Variants in SCARA3 observed in about 807,000 individuals in gnomAD.
SCARA3 encodes cellular stress response gene protein.
Under a neutral mutation model 47.0 loss-of-function variants are expected in SCARA3, and 39 were observed. The ratio of observed to expected loss-of-function variants is 0.83; its 90% CI spans 0.64 to 1.08. The LOEUF (loss-of-function observed/expected upper bound fraction) is 1.08. Ranked by LOEUF, SCARA3 falls within the 50% of genes least tolerant of loss-of-function variation. The pLI is 0.00. For missense variants in SCARA3, 724 were observed against 792.3 expected, an observed-to-expected ratio of 0.91 and a Z score of 1.04; for synonymous variants, 356 against 334.1, an observed-to-expected ratio of 1.07 and a Z score of -0.71.
chr8:27,711,664 G>A, the SCARA3 span, among the ~76,000 whole-genome samples: 1 of 152,052 alleles, frequency 6.6e-6, no homozygotes, highest in African/African-American at 2.4e-5. Flanking sequence ...GATGGACAGA[G>A]CTAGGAAATA....
At chr8:27,692,037 A>G in the SCARA3 span, among the ~76,000 whole-genome samples, 1 of 152,272 alleles carries the variant, frequency 6.6e-6, no homozygotes, top group South Asian at 2.1e-4. Flanking sequence ...AAACCAGTTC[A>G]GCCATGATGG....
chr8:27,662,713 G>A (rs1801936997), intron 5 of SCARA3, among the ~76,000 whole-genome samples: 1 of 152,236 alleles, frequency 6.6e-6, no homozygotes, highest in Non-Finnish European at 1.5e-5. Context: ...CTCAGTGTTG[G>A]TTTCTGCCAC....
the SCARA3 span, among the ~76,000 whole-genome samples, chr8:27,688,617 G>C: frequency 1.3e-5 from 2 of 152,176 alleles, no homozygotes; most frequent in Non-Finnish European, 2.9e-5. Context: ...GATTGCTTGA[G>C]CCTGGGAGGT....
the SCARA3 span, among the ~76,000 whole-genome samples, chr8:27,718,150 T>C: frequency 1.6e-4 from 25 of 152,336 alleles, no homozygotes; most frequent in African/African-American, 5.8e-4. Flanking sequence ...TTCTGAGCAA[T>C]CCTTCAAATC....
At chr8:27,686,954 C>G in the SCARA3 span, among the ~76,000 whole-genome samples, 6 of 152,070 alleles carry the variant, frequency 3.9e-5, no homozygotes, top group Non-Finnish European at 7.4e-5. Flanking sequence ...TCCCCACCCA[C>G]CCCTCGACAG....
downstream of SCARA3, among the ~76,000 whole-genome samples, chr8:27,673,416 G>A (rs369550597): frequency 6.6e-6 from 1 of 152,282 alleles, no homozygotes; most frequent in Non-Finnish European, 1.5e-5. Context: ...CAAGGGGCCT[G>A]GCTTGGCAGG....
At chr8:27,682,226 GA>G in the SCARA3 span, among the ~76,000 whole-genome samples, 3 of 152,060 alleles carry the variant, frequency 2.0e-5, no homozygotes, top group East Asian at 1.9e-4. Context: ...ATCCATATGG[GA>G]AAAAAATATA....
At position 27,672,382 on chromosome 8, in the gene SCARA3, T is replaced by C. The variant is rs941202309; in HGVS notation, c.*1031T>C. The C allele has an allele frequency of 5.1e-6, 5 of 985,324 alleles. No individual in the cohort carries two copies. In the African/African-American group the frequency reaches 8.7e-5, roughly 17 times the overall value. The allele number at this position is 985,324 out of a possible 1,614,324, so 61.0% of individuals were successfully genotyped here. ...TGGGAGACAGAGGCAGGCCAGAAGGTTCTCTCTGCACAGCTGCCTCCCTTG... is the reference window on the plus strand; with the variant it reads ...TGGGAGACAGAGGCAGGCCAGAAGGCTCTCTCTGCACAGCTGCCTCCCTTG... On this transcript the variant is annotated 3_prime_UTR_variant, in exon 6 of 6. Coordinates refer to ENST00000301904, the MANE Select transcript of SCARA3 (RefSeq NM_016240.3).
intron 3 of SCARA3, 111 bp downstream of exon 3, chr8:27,651,738 A>G (rs961320584): frequency 2.8e-6 from 4 of 1,407,812 alleles, no homozygotes; most frequent in Non-Finnish European, 3.9e-6. Context: ...CCCAGGGCCC[A>G]GAGCCAGCAT....
At chr8:27,698,384 T>C in the SCARA3 span, among the ~76,000 whole-genome samples, 3 of 152,222 alleles carry the variant, frequency 2.0e-5, no homozygotes, top group Non-Finnish European at 4.4e-5. Flanking sequence ...GTCAAGTTGA[T>C]ATGACAACAA....
chr8:27,705,254 C>T, the SCARA3 span, among the ~76,000 whole-genome samples: 1 of 152,198 alleles, frequency 6.6e-6, no homozygotes, highest in Non-Finnish European at 1.5e-5. Flanking sequence ...GGGGGTGACC[C>T]CACCTGGCTC....
At chr8:27,726,437 G>A in the SCARA3 span, among the ~76,000 whole-genome samples, 2 of 152,026 alleles carry the variant, frequency 1.3e-5, no homozygotes, top group East Asian at 1.9e-4. Context: ...AGTGGCTCAT[G>A]CCTGTGATCC....
chr8:27,660,618 T>TAGATAGATA (rs1554539818), intron 5 of SCARA3, among the ~76,000 whole-genome samples: 228 of 130,990 alleles, frequency 1.7e-3, no homozygotes, highest in Non-Finnish European at 3.2e-3. Flanking sequence ...TAGAGATAGA[T>TAGATAGATA]GATAGATAGA....
At chr8:27,713,830 G>A in the SCARA3 span, among the ~76,000 whole-genome samples, 1 of 152,288 alleles carries the variant, frequency 6.6e-6, no homozygotes, top group East Asian at 1.9e-4. Context: ...GACAGAGTTT[G>A]GATATTTGTC....
chr8:27,706,207 G>A, the SCARA3 span, among the ~76,000 whole-genome samples: 3 of 152,118 alleles, frequency 2.0e-5, no homozygotes, highest in Admixed American at 6.5e-5. Context: ...GCTGGAGTGC[G>A]GTGGCATGAT....
downstream of SCARA3, among the ~76,000 whole-genome samples, chr8:27,676,155 T>C (rs1192589066): frequency 6.6e-6 from 1 of 152,232 alleles, no homozygotes; most frequent in East Asian, 1.9e-4. Context: ...GAAGCTGCTA[T>C]ACTGAGCTGC....
At chr8:27,714,352 G>A in the SCARA3 span, among the ~76,000 whole-genome samples, 1 of 151,820 alleles carries the variant, frequency 6.6e-6, no homozygotes, top group Non-Finnish European at 1.5e-5. Flanking sequence ...CCGCCACCAC[G>A]CCCTGCTAAC....
downstream of SCARA3, among the ~76,000 whole-genome samples, chr8:27,677,479 T>C (rs1351153507): frequency 1.3e-5 from 2 of 152,232 alleles, no homozygotes; most frequent in African/African-American, 2.4e-5. Context: ...TGGGGAATTT[T>C]GGAGGTCTGA....
chr8:27,717,777 T>G, the SCARA3 span, among the ~76,000 whole-genome samples: 1 of 151,930 alleles, frequency 6.6e-6, no homozygotes, highest in African/African-American at 2.4e-5. Context: ...AGAGCGAGAC[T>G]CCATCTCAAA....
Sources: allele counts gnomAD v4.1 joint callset (sites outside exome capture counted in the v4.1 genomes callset), GRCh38; gene constraint gnomAD v4.1.1; transcripts MANE v1.5; gene names NCBI Gene and HGNC (gene_info 2026-07-23, HGNC 2026-07-21).